The following CADM2 variants were observed in gnomAD, a reference collection of about 807,000 sequenced individuals.
The protein encoded by CADM2 is cell adhesion molecule 2.
A neutral mutation model predicts 49.8 loss-of-function variants in CADM2; 12 were observed. The observed-to-expected ratio is 0.24, with a 90% confidence interval of 0.15 to 0.39. The LOEUF is 0.39. CADM2 is among the 10% of genes least tolerant of loss of function. The pLI, the probability that CADM2 is intolerant of heterozygous loss-of-function variation, is 1.00. For synonymous variants in CADM2, 214 were observed against 175.4 expected (o/e 1.22, Z -1.74); for missense variants, 378 against 492.3 (o/e 0.77, Z 2.20).
chr3:85,097,448 C>T (rs185255140), intron 1 of CADM2, among the ~76,000 whole-genome samples: 237 of 152,126 alleles, frequency 1.6e-3, no homozygotes, highest in Admixed American at 3.2e-3. Flanking sequence ...TGAATAGTGC[C>T]GCAATAAACA....
chr3:85,459,711 G>A (rs2038154165), intron 1 of CADM2, among the ~76,000 whole-genome samples: 1 of 152,098 alleles, frequency 6.6e-6, no homozygotes, highest in Non-Finnish European at 1.5e-5. Flanking sequence ...TTTTATTGCT[G>A]ATTCATTTTC....
intron 1 of CADM2, among the ~76,000 whole-genome samples, chr3:85,251,177 G>A (rs932174382): frequency 2.0e-5 from 3 of 151,650 alleles, no homozygotes; most frequent in African/African-American, 2.4e-5. Context: ...CAAAATATAA[G>A]TGTCTGCTAC....
chr3:85,125,920 G>C (rs1272646083), intron 1 of CADM2, among the ~76,000 whole-genome samples: 1 of 152,088 alleles, frequency 6.6e-6, no homozygotes, highest in African/African-American at 2.4e-5. Flanking sequence ...AGGTAATAAT[G>C]TCATTCTTTT....
At chr3:85,809,763 C>CCTCT (rs575170244) in intron 3 of CADM2, among the ~76,000 whole-genome samples, 1,805 of 51,896 alleles carry the variant, frequency 0.035, 102 homozygotes, top group Non-Finnish European at 0.043. Flanking sequence ...TCCCTCCCTC[C>CCTCT]CTCTCTCTCT....
At chr3:85,164,886 A>G (rs1204305213) in intron 1 of CADM2, among the ~76,000 whole-genome samples, 4 of 152,142 alleles carry the variant, frequency 2.6e-5, no homozygotes, top group South Asian at 2.1e-4. Flanking sequence ...TTAACAAAAC[A>G]GTTTATATAG....
At chr3:85,550,872 C>G (rs927743602) in intron 1 of CADM2, among the ~76,000 whole-genome samples, 6 of 152,154 alleles carry the variant, frequency 3.9e-5, no homozygotes, top group African/African-American at 1.4e-4. Context: ...CATTTCACTG[C>G]ACAGGTGTTT....
intron 1 of CADM2, among the ~76,000 whole-genome samples, chr3:84,980,574 C>G (rs41413246): frequency 1.3e-5 from 2 of 151,896 alleles, no homozygotes; most frequent in Non-Finnish European, 2.9e-5. Flanking sequence ...GAAGAGCTAC[C>G]GTTTTATGTT....
intron 1 of CADM2, among the ~76,000 whole-genome samples, chr3:85,297,894 C>T (rs2044005456): frequency 6.6e-6 from 1 of 151,970 alleles, no homozygotes; most frequent in African/African-American, 2.4e-5. Flanking sequence ...CCTAACAAAC[C>T]ACTAGACTAT....
At chr3:85,092,803 A>G (rs1387204264) in intron 1 of CADM2, among the ~76,000 whole-genome samples, 1 of 152,112 alleles carries the variant, frequency 6.6e-6, no homozygotes, top group African/African-American at 2.4e-5. Context: ...AAGCCATTCT[A>G]TGGTCTAAAA....
intron 6 of CADM2, among the ~76,000 whole-genome samples, chr3:85,913,128 G>A (rs1460960879): frequency 1.3e-5 from 2 of 152,068 alleles, no homozygotes; most frequent in African/African-American, 2.4e-5. Flanking sequence ...ACTCATTTAC[G>A]AATAGTAGCC....
intron 1 of CADM2, among the ~76,000 whole-genome samples, chr3:85,167,366 T>G (rs2040498841): frequency 6.6e-6 from 1 of 152,042 alleles, no homozygotes; most frequent in Admixed American, 6.6e-5. Context: ...TTTTATATTT[T>G]TAAAGAGAAA....
At chr3:85,884,211 G>A (rs1265277192) in intron 4 of CADM2, among the ~76,000 whole-genome samples, 1 of 152,176 alleles carries the variant, frequency 6.6e-6, no homozygotes, top group African/African-American at 2.4e-5. Flanking sequence ...ACACCTGCGT[G>A]CTGAACAAGT....
intron 1 of CADM2, among the ~76,000 whole-genome samples, chr3:85,702,661 G>C (rs1170109313): frequency 6.6e-6 from 1 of 152,094 alleles, no homozygotes; most frequent in Non-Finnish European, 1.5e-5. Context: ...TGTAGGTAAG[G>C]TATGATAACT....
intron 1 of CADM2, among the ~76,000 whole-genome samples, chr3:85,543,824 A>G (rs1278639198): frequency 6.6e-6 from 1 of 152,100 alleles, no homozygotes; most frequent in Non-Finnish European, 1.5e-5. Context: ...ATGAGAGCAA[A>G]ATCATCATGA....
intron 8 of CADM2, among the ~76,000 whole-genome samples, chr3:85,983,942 C>A (rs9880964): frequency 6.7e-6 from 1 of 150,374 alleles, no homozygotes; most frequent in Non-Finnish European, 1.5e-5. Flanking sequence ...TTGGAAATTG[C>A]GTAATTTTTT....
chr3:85,300,687 C>T (rs34023668), intron 1 of CADM2, among the ~76,000 whole-genome samples: 16,746 of 152,024 alleles, frequency 0.11, 1,055 homozygotes, highest in African/African-American at 0.17. Flanking sequence ...AAAAACAGTG[C>T]GTGCATATGG....
intron 3 of CADM2, among the ~76,000 whole-genome samples, chr3:85,823,051 G>C (rs891500422): frequency 2.0e-5 from 3 of 152,072 alleles, no homozygotes; most frequent in Non-Finnish European, 2.9e-5. Flanking sequence ...ATAAGTGAAG[G>C]CTGGCTGTCC....
In CADM2 at chr3:85,336,809, T is replaced by A. The variant is rs552360178; in HGVS notation, c.61+377141T>A. ...ATTTCTTTCCATTTTAAAGATTTAA[T>A]TTTTCTTAAAGCTGATAAAAATATC... is the stretch of plus-strand genomic sequence containing the variant. On this transcript the variant is annotated intron_variant, in intron 1 of 9. Transcript: ENST00000383699. 1.1e-4 allele frequency among the ~76,000 whole-genome samples: 16 copies of A among 148,748 alleles called. No homozygotes were observed. The South Asian group carries it at 1.5e-3, about 14-fold the overall frequency.
At chr3:84,993,492 G>C (rs1471599611) in intron 1 of CADM2, among the ~76,000 whole-genome samples, 2 of 152,164 alleles carry the variant, frequency 1.3e-5, no homozygotes, top group Non-Finnish European at 2.9e-5. Flanking sequence ...TCTGGTCCTA[G>C]TTGACCCTGT....
Sources: allele counts gnomAD v4.1 joint callset (sites outside exome capture counted in the v4.1 genomes callset), GRCh38; gene constraint gnomAD v4.1.1; transcripts MANE v1.5; gene names NCBI Gene and HGNC (gene_info 2026-07-23, HGNC 2026-07-21).